RNF6: variants seen among roughly 807,000 people sequenced by gnomAD.
RNF6 encodes the protein E3 ubiquitin-protein ligase RNF6.
A neutral mutation model predicts 50.1 loss-of-function variants in RNF6; 21 were observed. The ratio of observed to expected loss-of-function variants is 0.42; its 90% confidence interval spans 0.30 to 0.60. The LOEUF (loss-of-function observed/expected upper bound fraction) is 0.60, where lower values mean the gene tolerates loss of function less well. Ranked by LOEUF, RNF6 falls within the 20% of genes least tolerant of loss-of-function variation. The pLI is 0.20. For missense variants in RNF6, 698 were observed against 838.2 expected, an observed-to-expected ratio of 0.83 and a Z score of 2.07; for synonymous variants, 255 against 291.8, an observed-to-expected ratio of 0.87 and a Z score of 1.29.
At chr13:26,163,297 G>C (rs936627211) in intron 5 of RNF6, among the ~76,000 whole-genome samples, 3 of 150,946 alleles carry the variant, frequency 2.0e-5, no homozygotes, top group Non-Finnish European at 4.4e-5. Flanking sequence ...GGGAGACAGA[G>C]AGAGACTCCG....
At chr13:26,164,870 C>CA (rs1435963122) in intron 5 of RNF6, among the ~76,000 whole-genome samples, 1 of 152,028 alleles carries the variant, frequency 6.6e-6, no homozygotes, top group African/African-American at 2.4e-5. Context: ...CATAAAAGTT[C>CA]AAAAAATTTG....
intron 5 of RNF6, among the ~76,000 whole-genome samples, chr13:26,143,476 C>T (rs1371549017): frequency 1.3e-5 from 2 of 152,152 alleles, no homozygotes; most frequent in African/African-American, 2.4e-5. Context: ...AAGCATTCTT[C>T]TCTTCAAAAC....
intron 5 of RNF6, among the ~76,000 whole-genome samples, chr13:26,141,523 A>G (rs1274134320): frequency 6.6e-6 from 1 of 152,168 alleles, no homozygotes; most frequent in African/African-American, 2.4e-5. Flanking sequence ...GTACTGGTAC[A>G]AAAGGAGACA....
chr13:26,144,061 T>A (rs1435285858), intron 5 of RNF6, among the ~76,000 whole-genome samples: 1 of 152,138 alleles, frequency 6.6e-6, no homozygotes, highest in Non-Finnish European at 1.5e-5. Context: ...AGATTGCAGA[T>A]CACCATGAGG....
At chr13:26,209,528 T>G (rs1377588245), downstream of RNF6, among the ~76,000 whole-genome samples, 1 of 152,250 alleles carries the variant, frequency 6.6e-6, no homozygotes, top group Admixed American at 6.5e-5. Context: ...TCCCATAATC[T>G]GCAGAATGGT....
chr13:26,150,545 A>T (rs1211740347), intron 5 of RNF6, among the ~76,000 whole-genome samples: 1 of 152,206 alleles, frequency 6.6e-6, no homozygotes, highest in Non-Finnish European at 1.5e-5. Flanking sequence ...TAAGACTTTG[A>T]CCTACAGTTG....
chr13:26,146,823 G>A (rs564010462), intron 5 of RNF6, among the ~76,000 whole-genome samples: 11 of 152,214 alleles, frequency 7.2e-5, no homozygotes, highest in African/African-American at 1.9e-4. Context: ...ATCTCATGTC[G>A]AATTGTAATT....
intron 5 of RNF6, among the ~76,000 whole-genome samples, chr13:26,133,459 G>T (rs1011790574): frequency 6.6e-6 from 1 of 152,154 alleles, no homozygotes; most frequent in Admixed American, 6.5e-5. Flanking sequence ...TGACATGAAG[G>T]TTAGCTGTTT....
chr13:26,148,346 C>T (rs1871360067), intron 5 of RNF6, among the ~76,000 whole-genome samples: 1 of 151,868 alleles, frequency 6.6e-6, no homozygotes, highest in Admixed American at 6.6e-5. Context: ...CACAGGTACC[C>T]AGATCCTTGC....
At chr13:26,143,613 C>T (rs552450138) in intron 5 of RNF6, among the ~76,000 whole-genome samples, 1 of 152,274 alleles carries the variant, frequency 6.6e-6, no homozygotes, top group East Asian at 1.9e-4. Flanking sequence ...CCTGTGACTC[C>T]TGGCTAGGGG....
chr13:26,213,784 A>G lies in RNF6; in HGVS notation c.*40T>C. 6.8e-7 allele frequency: 1 copy of G among 1,475,322 alleles called. No homozygotes were observed. 91.4% of individuals were successfully genotyped at this position (1,475,322 alleles called of 1,614,324 possible). Reference sequence around the variant, plus strand: ...TCAGCAAAACAATGCTTGAACATTCAGTTCTACTAAAAAACAGTATTTGAG... The same window carrying G: ...TCAGCAAAACAATGCTTGAACATTCGGTTCTACTAAAAAACAGTATTTGAG... On this transcript the variant is annotated 3_prime_UTR_variant, in exon 5 of 5. Coordinates refer to ENST00000381588, the MANE Select transcript of RNF6 (RefSeq NM_005977.4).
intron 5 of RNF6, among the ~76,000 whole-genome samples, chr13:26,156,981 C>T (rs1453285117): frequency 2.6e-5 from 4 of 152,022 alleles, no homozygotes; most frequent in Non-Finnish European, 5.9e-5. Context: ...TTCTTTACAC[C>T]AAAATAAGTT....
chr13:26,152,487 A>G (rs1284512946), intron 5 of RNF6, among the ~76,000 whole-genome samples: 1 of 152,172 alleles, frequency 6.6e-6, no homozygotes, highest in Admixed American at 6.5e-5. Context: ...AGCACTTTAT[A>G]AATACTCTGT....
chr13:26,132,330 C>A, exon 6 of RNF6: 3 of 394,062 alleles, frequency 7.6e-6, no homozygotes, highest in Non-Finnish European at 1.5e-5. Flanking sequence ...TACATTTTAC[C>A]CCTTAGGCTC....
chr13:26,135,479 T>G (rs1870601518), intron 5 of RNF6: 1 of 152,164 alleles, frequency 6.6e-6, no homozygotes, highest in African/African-American at 2.4e-5. Context: ...AAACTTGACA[T>G]TGTGGGCCCA....
downstream of RNF6, among the ~76,000 whole-genome samples, chr13:26,211,032 T>A (rs891049592): frequency 6.6e-6 from 1 of 152,228 alleles, no homozygotes; most frequent in Non-Finnish European, 1.5e-5. Context: ...AAATGAAGAA[T>A]TTCTAACTAT....
At chr13:26,180,297 T>G (rs1169919664) in intron 5 of RNF6, among the ~76,000 whole-genome samples, 1 of 152,210 alleles carries the variant, frequency 6.6e-6, no homozygotes, top group Non-Finnish European at 1.5e-5. Flanking sequence ...ACCAGCTGTC[T>G]GTTTGTCTTC....
intron 5 of RNF6, among the ~76,000 whole-genome samples, chr13:26,205,556 C>A (rs973304151): frequency 1.3e-5 from 2 of 152,174 alleles, no homozygotes; most frequent in African/African-American, 4.8e-5. Flanking sequence ...GATAGTGAAA[C>A]CTTGCTTTTC....
At chr13:26,190,396 T>C (rs1868408359) in intron 5 of RNF6, among the ~76,000 whole-genome samples, 2 of 152,200 alleles carry the variant, frequency 1.3e-5, no homozygotes, top group Non-Finnish European at 2.9e-5. Flanking sequence ...GGTGGGGGCA[T>C]CGTTTTTCTA....
Sources: gnomAD v4.1 joint callset for allele counts (sites outside exome capture counted in the v4.1 genomes callset) on GRCh38, gnomAD v4.1.1 for gene constraint, MANE v1.5 for transcripts, NCBI Gene and HGNC (gene_info 2026-07-23, HGNC 2026-07-21) for gene names.